Variants in MAN2A1 observed in about 807,000 individuals in gnomAD.
The protein encoded by MAN2A1 is alpha-mannosidase 2.
A neutral mutation model predicts 142.6 loss-of-function variants in MAN2A1; 76 were observed. The observed-to-expected ratio is 0.53, with a 90% CI of 0.44 to 0.65. MAN2A1 has a LOEUF of 0.65. Ranked by LOEUF, MAN2A1 falls within the 30% of genes least tolerant of loss-of-function variation. The pLI, the probability that MAN2A1 is intolerant of heterozygous loss-of-function variation, is 0.00. For synonymous variants in MAN2A1, 559 were observed against 473.2 expected (o/e 1.18, Z -2.35); for missense variants, 1,311 against 1,365.1 (o/e 0.96, Z 0.62).
intron 3 of MAN2A1, among the ~76,000 whole-genome samples, chr5:109,716,948 C>G (rs1751472343): frequency 6.6e-6 from 1 of 152,146 alleles, no homozygotes; most frequent in African/African-American, 2.4e-5. Context: ...CTTCCCCCAC[C>G]CCTGACCCCG....
At position 109,823,740 on chromosome 5, in the gene MAN2A1, A is replaced by T; in HGVS notation, c.2469A>T (p.Thr823=). 1 of 1,601,412 alleles carries T rather than the reference A, an allele frequency of 6.2e-7. No individual in the cohort carries two copies. Among genetic ancestry groups the T allele is most frequent in the Non-Finnish European group, 8.5e-7 (1 of 1,171,296 alleles). Residue 823 remains threonine, a synonymous_variant, in exon 16 of 22, where the codon ACA becomes ACT. Transcript: ENST00000261483. ...CTTTTCAGCCTTATGTTTACACAAC[A>T]CCGCCCTTTGTCAGAGTGACACATG... The part of the protein sequence containing the change: ...DGNAKPYVYT[T]PPFVRVTHGR...
intron 19 of MAN2A1, among the ~76,000 whole-genome samples, chr5:109,848,541 A>G (rs1271022181): frequency 6.6e-6 from 1 of 152,152 alleles, no homozygotes; most frequent in Admixed American, 6.5e-5. Flanking sequence ...TCTCTGTTCC[A>G]GTTATCTAAC....
chr5:109,693,188 C>G (rs185647174), intron 1 of MAN2A1, among the ~76,000 whole-genome samples: 1 of 150,914 alleles, frequency 6.6e-6, no homozygotes, highest in East Asian at 2.0e-4. Flanking sequence ...GATTTATACC[C>G]TTCCCAGAAT....
At chr5:109,697,999 G>T (rs571935357) in intron 1 of MAN2A1, among the ~76,000 whole-genome samples, 1 of 152,304 alleles carries the variant, frequency 6.6e-6, no homozygotes, top group South Asian at 2.1e-4. Context: ...TCACCTGAAG[G>T]TTTTGCACTG....
chr5:109,775,163 A>G (rs779036297), intron 8 of MAN2A1, among the ~76,000 whole-genome samples, 198 bp downstream of exon 8: 6 of 152,150 alleles, frequency 3.9e-5, no homozygotes, highest in South Asian at 2.1e-4. Context: ...CCCGTTCCTA[A>G]CACTCCTTGA....
chr5:109,698,903 T>G (rs895804482), intron 1 of MAN2A1, among the ~76,000 whole-genome samples: 6 of 152,192 alleles, frequency 3.9e-5, no homozygotes, highest in Non-Finnish European at 8.8e-5. Context: ...GAGTCCCACT[T>G]CTGACCATTT....
rs772319096 is a variant in MAN2A1 at position 109,845,928 on chromosome 5, A to T, written c.2764A>T (p.Met922Leu). Residue 922 changes from methionine (M) to leucine (L), a missense_variant, in exon 18 of 22, where the codon ATG becomes TTG. Around this residue, in one of 3 missense-constraint regions of MAN2A1, gnomAD observed 890 missense variants for 920.5 expected, o/e 0.97. Transcript: ENST00000261483. The part of the protein sequence containing the change: ...LQANVYPMTT[M>L]AYIQDAKHRL... The stretch of plus-strand genomic sequence containing the variant: ...AGCAAATGTCTATCCCATGACCACA[A>T]TGGCCTATATCCAGGATGCCAAACA... 1 of 1,613,760 alleles carries T rather than the reference A, an allele frequency of 6.2e-7. No homozygotes were observed. The highest frequency in any genetic ancestry group is 2.2e-5 in the East Asian group (1 of 44,848).
At chr5:109,826,196 G>A (rs1305110715) in intron 16 of MAN2A1, among the ~76,000 whole-genome samples, 1 of 151,954 alleles carries the variant, frequency 6.6e-6, no homozygotes, top group Non-Finnish European at 1.5e-5. Context: ...ATGAGCCACT[G>A]CACCTGGCTT....
chr5:109,772,699 G>C (rs570126547), intron 7 of MAN2A1, among the ~76,000 whole-genome samples: 3 of 152,150 alleles, frequency 2.0e-5, no homozygotes, highest in East Asian at 3.9e-4. Context: ...TTGTAGTGAC[G>C]AGGTCTCCCT....
At chr5:109,833,505 C>CA (rs1561535479) in intron 16 of MAN2A1, among the ~76,000 whole-genome samples, 1 of 152,024 alleles carries the variant, frequency 6.6e-6, no homozygotes, top group Non-Finnish European at 1.5e-5. Flanking sequence ...CCGTCTCCAC[C>CA]AAAAAAATCC....
At chr5:109,759,891 A>G (rs1489281790) in intron 5 of MAN2A1, among the ~76,000 whole-genome samples, 4 of 151,960 alleles carry the variant, frequency 2.6e-5, no homozygotes, top group Non-Finnish European at 5.9e-5. Flanking sequence ...GGCCAGTGGT[A>G]TACCCTATTT....
chr5:109,721,560 A>G (rs1751604466), intron 3 of MAN2A1, among the ~76,000 whole-genome samples: 1 of 152,216 alleles, frequency 6.6e-6, no homozygotes, highest in Admixed American at 6.5e-5. Context: ...TTGGCTGTGC[A>G]TTTTATCTGA....
At position 109,689,957 on chromosome 5, in the gene MAN2A1, CG is replaced by C. The variant is rs1011513213; in HGVS notation, c.-460del. The C allele has an allele frequency of 4.2e-4, 73 of 173,038 alleles. No individual in the cohort carries two copies. The highest frequency in any genetic ancestry group is 5.0e-5 in the Non-Finnish European group (4 of 80,478). The allele number at this position is 173,038 out of a possible 1,614,324, so 10.7% of individuals were successfully genotyped here. On this transcript the variant is annotated 5_prime_UTR_variant, in exon 1 of 22. Coordinates refer to ENST00000261483, the MANE Select transcript of MAN2A1 (RefSeq NM_002372.4). ...CCCCTCCGCTTCTCTGACCTAGCTG[CG>C]CGGCCCCGGCCCGGGAGCTGCCGAA...
intron 16 of MAN2A1, among the ~76,000 whole-genome samples, chr5:109,837,569 A>T (rs1755089699): frequency 6.6e-6 from 1 of 152,098 alleles, no homozygotes; most frequent in Non-Finnish European, 1.5e-5. Flanking sequence ...TCCTCAGCTT[A>T]GGGTCAGGAA....
Position 109,819,685 on chromosome 5 carries a change from A to AT in MAN2A1, c.2127dup (p.Ile710TyrfsTer10). 1 of 1,599,340 alleles carries AT rather than the reference A, an allele frequency of 6.3e-7. No individual in the cohort carries two copies. Among genetic ancestry groups the AT allele is most frequent in the South Asian group, 1.1e-5 (1 of 88,404 alleles). On this transcript the variant is annotated frameshift_variant, in exon 14 of 22. Coordinates refer to ENST00000261483, the MANE Select transcript of MAN2A1 (RefSeq NM_002372.4). LOFTEE classifies it high-confidence loss of function. Reference sequence around the variant, plus strand: ...CTTTTAAAGATCTCTTTTCGAGCACATATACCGCCATTGGGACTGAAAGTG... The same window carrying AT: ...CTTTTAAAGATCTCTTTTCGAGCACATTATACCGCCATTGGGACTGAAAGTG...
intron 6 of MAN2A1, among the ~76,000 whole-genome samples, chr5:109,767,951 G>A (rs983477731): frequency 2.6e-5 from 4 of 152,198 alleles, no homozygotes; most frequent in African/African-American, 9.6e-5. Flanking sequence ...ATAAATATAA[G>A]GAGTTAGTAT....
intron 19 of MAN2A1, chr5:109,853,561 A>AC (rs1317811629): frequency 6.6e-6 from 1 of 152,206 alleles, no homozygotes; most frequent in Non-Finnish European, 1.5e-5. Context: ...AGAGTGTGGA[A>AC]CAAAGCCAGA....
At chr5:109,780,830 C>T (rs1019571329) in intron 8 of MAN2A1, among the ~76,000 whole-genome samples, 2 of 152,128 alleles carry the variant, frequency 1.3e-5, no homozygotes, top group Admixed American at 1.3e-4. Context: ...GTGTTACCTA[C>T]TGGTAGAGTA....
chr5:109,782,803 T>C (rs1443490550), intron 9 of MAN2A1, among the ~76,000 whole-genome samples: 2 of 152,114 alleles, frequency 1.3e-5, no homozygotes, highest in East Asian at 3.9e-4. Flanking sequence ...ACATATTAGT[T>C]GTACATATTT....
Sources: gnomAD v4.1 joint callset for allele counts (sites outside exome capture counted in the v4.1 genomes callset) on GRCh38, gnomAD v4.1.1 for gene constraint, gnomAD v4.1.1 regional missense constraint, MANE v1.5 for transcripts, NCBI Gene and HGNC (gene_info 2026-07-23, HGNC 2026-07-21) for gene names.